VRK1: variants seen among roughly 807,000 people sequenced by gnomAD.
VRK1 encodes the protein VRK serine/threonine kinase 1, also known as serine/threonine-protein kinase VRK1.
A neutral mutation model predicts 57.1 loss-of-function variants in VRK1; 33 were observed. The ratio of observed to expected loss-of-function variants is 0.58; its 90% CI spans 0.44 to 0.77. VRK1 has a LOEUF of 0.77. VRK1 is among the 30% of genes least tolerant of loss of function. VRK1 has a pLI of 0.00. For missense variants in VRK1, 413 were observed against 477.3 expected (o/e 0.87, Z 1.25); for synonymous variants, 137 against 147.8 (o/e 0.93, Z 0.53).
chr14:96,873,061 G>C (rs955953455), intron 11 of VRK1, among the ~76,000 whole-genome samples: 2 of 152,090 alleles, frequency 1.3e-5, no homozygotes, highest in Non-Finnish European at 2.9e-5. Context: ...TGTCTTATGG[G>C]ATGGACAAAA....
chr14:96,851,210 G>T lies in VRK1; in HGVS notation c.375-1621G>T, dbSNP rs192923403. Among the ~76,000 whole-genome samples the T allele has an allele frequency of 9.2e-3, 1,401 of 151,564 alleles. 8 individuals carry two copies. The highest frequency in any genetic ancestry group is 0.014 in the Non-Finnish European group (970 of 67,938). On this transcript the variant is annotated intron_variant, in intron 5 of 12. Coordinates refer to ENST00000216639, the MANE Select transcript of VRK1 (RefSeq NM_003384.3). ...AGCTGGAGTGCAGTGGCTCAATCTT[G>T]GCTCACTGCAATCTCCGCCTCCCAG...
intron 8 of VRK1, 85 bp from the exon 9 acceptor site, chr14:96,856,045 T>C: frequency 6.7e-7 from 1 of 1,495,210 alleles, no homozygotes; most frequent in Non-Finnish European, 9.1e-7. Flanking sequence ...AGTTGACTTG[T>C]TTTATGTTAT....
intron 2 of VRK1, 50 bp downstream of exon 2, chr14:96,833,681 C>G (rs1195307155): frequency 6.2e-7 from 1 of 1,611,416 alleles, no homozygotes; most frequent in Middle Eastern, 1.7e-4. Flanking sequence ...TATATGTTTT[C>G]TTATGAAAAT....
At chr14:96,859,053 G>A (rs1458531985) in intron 10 of VRK1, 1 of 152,074 alleles carries the variant, frequency 6.6e-6, no homozygotes, top group Non-Finnish European at 1.5e-5. Flanking sequence ...AATTTGGTCT[G>A]TCTTAATTTC....
intron 1 of VRK1, among the ~76,000 whole-genome samples, chr14:96,830,597 A>G (rs2139741701): frequency 6.6e-6 from 1 of 152,282 alleles, no homozygotes; most frequent in South Asian, 2.1e-4. Flanking sequence ...ATTTATAGCT[A>G]TCAACCTTTT....
At chr14:96,869,040 G>A (rs1171438113) in intron 11 of VRK1, among the ~76,000 whole-genome samples, 3 of 152,018 alleles carry the variant, frequency 2.0e-5, no homozygotes, top group Admixed American at 6.6e-5. Flanking sequence ...TTATCTGCCC[G>A]CCTCAGCCTA....
At position 96,860,622 on chromosome 14, in the gene VRK1, A is replaced by G; in HGVS notation, c.955A>G (p.Asn319Asp). The change falls in exon 11 of 13, where the codon AAT becomes GAT. Residue 319 changes from asparagine (N) to aspartate (D), a missense_variant. Physicochemically the swap from Asn to Asp is conservative, Grantham distance 23 (BLOSUM62 1). Around this residue, in one of 3 missense-constraint regions of VRK1, gnomAD observed 146 missense variants for 138.2 expected, o/e 1.06. Transcript: ENST00000216639. ...CTACACTGAAAAACCTCTTTATGAAAATTTACGTGACATTCTTTTGCAAGG... is the reference window on the plus strand; with the variant it reads ...CTACACTGAAAAACCTCTTTATGAAGATTTACGTGACATTCTTTTGCAAGG... ...LDYTEKPLYE[N>D]LRDILLQGLK... is the part of the protein sequence containing the mutation. 1.9e-6 allele frequency: 3 copies of G among 1,613,246 alleles called. No individual in the cohort carries two copies. Among genetic ancestry groups the G allele is most frequent in the Non-Finnish European group, 2.5e-6 (3 of 1,179,474 alleles).
At chr14:96,830,543 T>G (rs979586446) in intron 1 of VRK1, among the ~76,000 whole-genome samples, 1 of 152,212 alleles carries the variant, frequency 6.6e-6, no homozygotes, top group Non-Finnish European at 1.5e-5. Flanking sequence ...CTGATTGATG[T>G]TAGTCTGTAC....
intron 10 of VRK1, among the ~76,000 whole-genome samples, chr14:96,859,911 G>A (rs1169762045): frequency 6.6e-6 from 1 of 152,124 alleles, no homozygotes; most frequent in Non-Finnish European, 1.5e-5. Context: ...TCTGGAGGTC[G>A]GGGGAAAGGT....
At position 96,877,067 on chromosome 14, in the gene VRK1, C is replaced by CT. The variant is rs79333571; in HGVS notation, c.1159+960dup. 8.3e-3 allele frequency among the ~76,000 whole-genome samples: 1,146 copies of CT among 138,784 alleles called. 20 individuals are homozygous for CT. The East Asian group carries it at 0.083, about 10-fold the overall frequency. 91.0% of individuals were successfully genotyped at this position (138,784 alleles called of 152,430 possible). On this transcript the variant is annotated intron_variant, in intron 12 of 12. Coordinates refer to ENST00000216639, the MANE Select transcript of VRK1 (RefSeq NM_003384.3). ...TTTTAAAAAGATTTTTCCTGTCTGC[C>CT]TTTTTTTTTTTTTGAATTATTATTT...
At chr14:96,861,695 A>G (rs1202096195) in intron 11 of VRK1, among the ~76,000 whole-genome samples, 1 of 152,232 alleles carries the variant, frequency 6.6e-6, no homozygotes, top group African/African-American at 2.4e-5. Flanking sequence ...AACTTTGCCA[A>G]ATAGCAGGTC....
chr14:96,825,009 A>G lies in VRK1; in HGVS notation c.-5-8458A>G, dbSNP rs570266317. On this transcript the variant is annotated intron_variant, in intron 1 of 12. Coordinates refer to ENST00000216639, the MANE Select transcript of VRK1 (RefSeq NM_003384.3). ...ATAAGCATTTTTAATAGCTGATGGG[A>G]AGGATCTAGTTGAGGGAGACATTGA... is the stretch of plus-strand genomic sequence containing the variant. Among the ~76,000 whole-genome samples the G allele has an allele frequency of 3.9e-5, 6 of 152,286 alleles. No individual in the cohort carries two copies. The East Asian group carries it at 1.2e-3, about 29-fold the overall frequency.
intron 1 of VRK1, among the ~76,000 whole-genome samples, chr14:96,829,229 G>T (rs1886915712): frequency 6.7e-6 from 1 of 150,296 alleles, no homozygotes; most frequent in Admixed American, 6.6e-5. Flanking sequence ...TTTTTGAGAG[G>T]GAAGTGGGAA....
At chr14:96,866,365 G>A (rs1337300487) in intron 11 of VRK1, among the ~76,000 whole-genome samples, 3 of 152,130 alleles carry the variant, frequency 2.0e-5, no homozygotes, top group African/African-American at 7.2e-5. Flanking sequence ...TGCCTACCCA[G>A]AAGAAGCAAA....
At chr14:96,806,659 C>T (rs1451197252) in intron 1 of VRK1, among the ~76,000 whole-genome samples, 1 of 152,194 alleles carries the variant, frequency 6.6e-6, no homozygotes, top group East Asian at 1.9e-4. Flanking sequence ...AAACTGTATA[C>T]ATGAGTCATT....
intron 12 of VRK1, chr14:96,877,439 C>G: frequency 2.4e-6 from 3 of 1,225,968 alleles, no homozygotes; most frequent in Non-Finnish European, 3.2e-6. Flanking sequence ...TTTCCCGCTG[C>G]TGTCTTCCTT....
chr14:96,829,090 T>A (rs1408895424), intron 1 of VRK1, among the ~76,000 whole-genome samples: 1 of 152,058 alleles, frequency 6.6e-6, no homozygotes, highest in Non-Finnish European at 1.5e-5. Flanking sequence ...ATACAACATA[T>A]AAGATGTGCC....
intron 1 of VRK1, among the ~76,000 whole-genome samples, chr14:96,813,266 T>A (rs1313370713): frequency 6.6e-6 from 1 of 152,198 alleles, no homozygotes; most frequent in Non-Finnish European, 1.5e-5. Context: ...CACCTTACTT[T>A]CTTTTGCATA....
At chr14:96,834,247 AT>A (rs1887127294) in intron 2 of VRK1, among the ~76,000 whole-genome samples, 1 of 152,186 alleles carries the variant, frequency 6.6e-6, no homozygotes, top group Admixed American at 6.5e-5. Context: ...ACCAATAAAT[AT>A]ATTTGCTTCT....
Sources: gnomAD v4.1 joint callset for allele counts (sites outside exome capture counted in the v4.1 genomes callset) on GRCh38, gnomAD v4.1.1 for gene constraint, gnomAD v4.1.1 regional missense constraint, MANE v1.5 for transcripts, NCBI Gene and HGNC (gene_info 2026-07-23, HGNC 2026-07-21) for gene names.